The following LGSN variants were observed in gnomAD, a reference collection of about 807,000 sequenced individuals.
LGSN encodes lengsin, lens protein with glutamine synthetase domain, also known as lengsin.
A neutral mutation model predicts 19.5 loss-of-function variants in LGSN; 21 were observed. The ratio of observed to expected loss-of-function variants is 1.07; its 90% CI spans 0.76 to 1.55. The LOEUF is 1.55. Ranked by LOEUF, LGSN falls within the 40% of genes most tolerant of loss-of-function variation. The pLI is 0.00. For synonymous variants in LGSN, 257 were observed against 215.6 expected, an observed-to-expected ratio of 1.19 and a Z score of -1.68; for missense variants, 673 against 608.5, an observed-to-expected ratio of 1.11 and a Z score of -1.12.
the LGSN span, among the ~76,000 whole-genome samples, chr6:63,385,149 A>G: frequency 6.6e-6 from 1 of 152,240 alleles, no homozygotes; most frequent in Non-Finnish European, 1.5e-5. Flanking sequence ...TTTAAAAATG[A>G]CATGTAAATG....
chr6:63,412,777 A>AAAG, the LGSN span, among the ~76,000 whole-genome samples: 1 of 136,560 alleles, frequency 7.3e-6, no homozygotes, highest in African/African-American at 2.7e-5. Context: ...GAAAGGAAGG[A>AAAG]AGGGAAGGAA....
At chr6:63,527,476 C>A in the LGSN span, among the ~76,000 whole-genome samples, 1 of 152,056 alleles carries the variant, frequency 6.6e-6, no homozygotes, top group Non-Finnish European at 1.5e-5. Context: ...GTAGATATCT[C>A]AAAAGCTTTT....
At chr6:63,330,258 T>G in the LGSN span, among the ~76,000 whole-genome samples, 64 of 152,354 alleles carry the variant, frequency 4.2e-4, no homozygotes, top group Non-Finnish European at 6.5e-4. Context: ...GTGATTGGCC[T>G]GCTCCATTTT....
chr6:63,392,865 G>C, the LGSN span, among the ~76,000 whole-genome samples: 1 of 150,478 alleles, frequency 6.6e-6, no homozygotes, highest in East Asian at 1.9e-4. Flanking sequence ...CAAGATGGTG[G>C]CTCCATCTTC....
At chr6:63,326,511 T>C in the LGSN span, among the ~76,000 whole-genome samples, 2 of 152,152 alleles carry the variant, frequency 1.3e-5, no homozygotes, top group East Asian at 3.9e-4. Context: ...GTGGCGCTTG[T>C]TGAGGAGGCT....
the LGSN span, among the ~76,000 whole-genome samples, chr6:63,564,271 G>A: frequency 2.2e-5 from 3 of 138,392 alleles, no homozygotes; most frequent in Non-Finnish European, 3.0e-5. Context: ...GCGAGACTCT[G>A]TCTCAAAAAA....
At chr6:63,552,947 G>A in the LGSN span, among the ~76,000 whole-genome samples, 50 of 152,172 alleles carry the variant, frequency 3.3e-4, no homozygotes, top group East Asian at 1.4e-3. Context: ...TTTGAAGTCC[G>A]TTCATTATTT....
chr6:63,507,743 C>T, the LGSN span, among the ~76,000 whole-genome samples: 5 of 152,278 alleles, frequency 3.3e-5, no homozygotes, highest in East Asian at 9.6e-4. Flanking sequence ...TTAGGTTAAG[C>T]AGAGCCTGTT....
At chr6:63,507,080 C>CCAAGTGAATG in the LGSN span, among the ~76,000 whole-genome samples, 1 of 152,184 alleles carries the variant, frequency 6.6e-6, no homozygotes, top group Admixed American at 6.5e-5. Flanking sequence ...ATACAAAGTA[C>CCAAGTGAATG]ATTTCTCTCT....
chr6:63,506,274 T>C, the LGSN span, among the ~76,000 whole-genome samples: 1 of 149,290 alleles, frequency 6.7e-6, no homozygotes, highest in African/African-American at 2.6e-5. Flanking sequence ...GTTGTTGTTG[T>C]TGTTGTTTGA....
chr6:63,457,857 C>T, the LGSN span, among the ~76,000 whole-genome samples: 14 of 151,950 alleles, frequency 9.2e-5, no homozygotes, highest in Non-Finnish European at 1.9e-4. Flanking sequence ...CGAGCCTGGG[C>T]TACAAAGTGA....
At chr6:63,428,437 C>T in the LGSN span, among the ~76,000 whole-genome samples, 18 of 152,104 alleles carry the variant, frequency 1.2e-4, no homozygotes, top group Non-Finnish European at 2.2e-4. Flanking sequence ...CAGCAACCTC[C>T]GCCTCCTAGG....
chr6:63,468,552 C>A, the LGSN span, among the ~76,000 whole-genome samples: 1 of 151,986 alleles, frequency 6.6e-6, no homozygotes, highest in Non-Finnish European at 1.5e-5. Flanking sequence ...CTCAGCCTCC[C>A]AAGTAGCTGG....
chr6:63,494,668 C>T, the LGSN span, among the ~76,000 whole-genome samples: 1 of 152,166 alleles, frequency 6.6e-6, no homozygotes, highest in East Asian at 1.9e-4. Context: ...TACTCTGTTG[C>T]CCAGGCTGGA....
chr6:63,393,312 G>A, the LGSN span, among the ~76,000 whole-genome samples: 1 of 151,918 alleles, frequency 6.6e-6, no homozygotes, highest in Non-Finnish European at 1.5e-5. Flanking sequence ...CTGTAGGTGA[G>A]ATTACAGGTG....
the LGSN span, among the ~76,000 whole-genome samples, chr6:63,335,450 G>A: frequency 1.3e-5 from 2 of 151,976 alleles, no homozygotes; most frequent in East Asian, 3.9e-4. Flanking sequence ...AACAAAAACA[G>A]CTCAACAATA....
chr6:63,396,341 G>A, the LGSN span: 2 of 236,920 alleles, frequency 8.4e-6, no homozygotes, highest in Non-Finnish European at 8.7e-6. Flanking sequence ...GTCTCAGGCT[G>A]CCTGCACTCT....
chr6:63,304,471 G>T (rs943407865), intron 1 of LGSN, among the ~76,000 whole-genome samples: 1 of 152,184 alleles, frequency 6.6e-6, no homozygotes, highest in Non-Finnish European at 1.5e-5. Context: ...GCTGAACAGG[G>T]AGAAATCTGT....
the LGSN span, among the ~76,000 whole-genome samples, chr6:63,505,553 CA>C: frequency 8.0e-4 from 33 of 41,462 alleles, no homozygotes; most frequent in Non-Finnish European, 9.1e-4. Context: ...AAGAATCTGT[CA>C]AAAAAAAAAA....
Sources: gnomAD v4.1 joint callset for allele counts (sites outside exome capture counted in the v4.1 genomes callset) on GRCh38, gnomAD v4.1.1 for gene constraint, MANE v1.5 for transcripts, NCBI Gene and HGNC (gene_info 2026-07-23, HGNC 2026-07-21) for gene names.